ZMYND11: variants seen among roughly 807,000 people sequenced by gnomAD.
ZMYND11 encodes zinc finger MYND domain-containing protein 11.
Under a neutral mutation model 84.9 loss-of-function variants are expected in ZMYND11, and 9 were observed. The ratio of observed to expected loss-of-function variants is 0.11; its 90% CI spans 0.06 to 0.18. ZMYND11 has a LOEUF of 0.18. Among genes scored for constraint, ZMYND11 ranks in the 10% least tolerant of loss-of-function variants. The pLI is 1.00. For missense variants in ZMYND11, 409 were observed against 761.0 expected (o/e 0.54, Z 5.44); for synonymous variants, 250 against 244.1 (o/e 1.02, Z -0.23).
upstream of ZMYND11, among the ~76,000 whole-genome samples, chr10:133,366 T>A (rs1298245958): frequency 3.3e-5 from 5 of 152,226 alleles, no homozygotes; most frequent in African/African-American, 1.2e-4. Flanking sequence ...GTATTCATCT[T>A]AGTGGATAAA....
At chr10:170,431 CGT>C (rs147441773) in intron 1 of ZMYND11, among the ~76,000 whole-genome samples, 5,402 of 147,742 alleles carry the variant, frequency 0.037, 147 homozygotes, top group Middle Eastern at 0.077. Flanking sequence ...ATTATGTGTG[CGT>C]GTGTGTGTGT....
At chr10:242,200 T>G in intron 10 of ZMYND11, 61 bp downstream of exon 10, 1 of 1,577,712 alleles carries the variant, frequency 6.3e-7, no homozygotes, top group Non-Finnish European at 8.6e-7. Flanking sequence ...TAAGAAAGTT[T>G]GATGATTTCT....
chr10:227,640 A>T (rs945004667), intron 4 of ZMYND11, among the ~76,000 whole-genome samples: 37 of 152,362 alleles, frequency 2.4e-4, no homozygotes, highest in African/African-American at 8.2e-4. Flanking sequence ...TAGGCAGTAC[A>T]GTCTTTTTAA....
chr10:197,978 T>C (rs1207989456), intron 2 of ZMYND11: 1 of 652,798 alleles, frequency 1.5e-6, no homozygotes, highest in Non-Finnish European at 2.8e-6. Context: ...TATGTCATTT[T>C]CATTAGTTGT....
chr10:249,496 C>T (rs1952891280), intron 14 of ZMYND11: 2 of 984,650 alleles, frequency 2.0e-6, no homozygotes, highest in Admixed American at 1.2e-4. Context: ...TTTCCCTGCA[C>T]TTAACATTTA....
intron 2 of ZMYND11, among the ~76,000 whole-genome samples, chr10:185,682 G>A (rs900650348): frequency 6.6e-6 from 1 of 151,390 alleles, no homozygotes; most frequent in African/African-American, 2.4e-5. Flanking sequence ...GGGCTTGGTG[G>A]CAGGCACCTG....
rs7085946 is a variant in ZMYND11, at chr10:250,690, A to G, written c.1686+1602A>G. Among the ~76,000 whole-genome samples the G allele has an allele frequency of 3.2e-3, 491 of 152,304 alleles. 5 individuals are homozygous for G. The highest frequency in any genetic ancestry group is 0.011 in the African/African-American group (445 of 41,568). ...GATTAAATAGAATGATTAAAAACCTAGTTGGCAGAGCTGAGCTTTTTGTGC... is the reference window on the plus strand; with the variant it reads ...GATTAAATAGAATGATTAAAAACCTGGTTGGCAGAGCTGAGCTTTTTGTGC... On this transcript the variant is annotated intron_variant, in intron 14 of 14. Transcript: ENST00000381604.
At chr10:152,786 T>C (rs918190638) in intron 1 of ZMYND11, among the ~76,000 whole-genome samples, 1 of 152,214 alleles carries the variant, frequency 6.6e-6, no homozygotes, top group South Asian at 2.1e-4. Context: ...GTTGCACTTA[T>C]TCCAAAATTG....
intron 7 of ZMYND11, 152 bp from the exon 8 acceptor site, chr10:239,904 G>A: frequency 3.3e-6 from 2 of 598,510 alleles, no homozygotes; most frequent in Non-Finnish European, 5.7e-6. Context: ...AAAGCTGCCT[G>A]TGTAATTTTA....
intron 2 of ZMYND11, among the ~76,000 whole-genome samples, chr10:193,023 A>G (rs1250980976): frequency 6.6e-6 from 1 of 152,188 alleles, no homozygotes; most frequent in African/African-American, 2.4e-5. Context: ...TTTCTTGAAC[A>G]GAAATTTTAA....
At chr10:139,412 C>G (rs1234598061) in intron 1 of ZMYND11, among the ~76,000 whole-genome samples, 1 of 152,246 alleles carries the variant, frequency 6.6e-6, no homozygotes, top group African/African-American at 2.4e-5. Context: ...CTACCAATAT[C>G]TCTTACATAC....
chr10:222,797 T>C (rs1021282682), intron 4 of ZMYND11, among the ~76,000 whole-genome samples: 2 of 152,148 alleles, frequency 1.3e-5, no homozygotes, highest in African/African-American at 4.8e-5. Flanking sequence ...TGTCTGTGTC[T>C]CTACAGCCAT....
chr10:138,642 C>G (rs1836726978), intron 1 of ZMYND11, among the ~76,000 whole-genome samples: 2 of 151,972 alleles, frequency 1.3e-5, no homozygotes, highest in Non-Finnish European at 2.9e-5. Context: ...CTGTAAATTG[C>G]TTACTTAAAG....
At chr10:177,101 C>T (rs1208695284) in intron 1 of ZMYND11, among the ~76,000 whole-genome samples, 4 of 152,114 alleles carry the variant, frequency 2.6e-5, no homozygotes, top group Non-Finnish European at 5.9e-5. Context: ...GTCCGTTTTG[C>T]TTATTGCTAT....
intron 2 of ZMYND11, among the ~76,000 whole-genome samples, chr10:193,247 AT>A (rs1163757987): frequency 6.6e-6 from 1 of 152,102 alleles, no homozygotes; most frequent in Non-Finnish European, 1.5e-5. Context: ...TTATTATCTT[AT>A]GTTTCACTCC....
rs903036512 is a variant in ZMYND11 at position 161,975 on chromosome 10, A to G, written c.-19-18019A>G. Among the ~76,000 whole-genome samples, 4 of 152,348 alleles carry G rather than the reference A, an allele frequency of 2.6e-5. No homozygotes were observed. The East Asian group carries it at 5.8e-4, about 22-fold the overall frequency. ...GCAGCTGGGATAGCTGTTTGGCTTA[A>G]GAGGCCCAGCTTTCCGCCTGTCTTG... On this transcript the variant is annotated intron_variant, in intron 1 of 14. Transcript: ENST00000381604.
At chr10:186,642 C>CAAAA (rs56345833) in intron 2 of ZMYND11, among the ~76,000 whole-genome samples, 6 of 95,156 alleles carry the variant, frequency 6.3e-5, no homozygotes, top group Admixed American at 1.2e-4. Flanking sequence ...AGGACTCTCT[C>CAAAA]AAAAAAAAAA....
chr10:200,205 GGT>G (rs71374347), intron 2 of ZMYND11, among the ~76,000 whole-genome samples: 5 of 132,434 alleles, frequency 3.8e-5, no homozygotes, highest in South Asian at 2.5e-4. Flanking sequence ...GCCTGGCTAG[GGT>G]GTGTGTGTGT....
chr10:222,145 C>T (rs1037312680), intron 4 of ZMYND11, among the ~76,000 whole-genome samples: 21 of 152,072 alleles, frequency 1.4e-4, no homozygotes, highest in African/African-American at 3.9e-4. Flanking sequence ...TGAGATTACT[C>T]GTGATTTCCA....
Sources: gnomAD v4.1 joint callset for allele counts (sites outside exome capture counted in the v4.1 genomes callset) on GRCh38, gnomAD v4.1.1 for gene constraint, MANE v1.5 for transcripts, NCBI Gene and HGNC (gene_info 2026-07-23, HGNC 2026-07-21) for gene names.